The following LZTFL1 variants were observed in gnomAD, a reference collection of about 807,000 sequenced individuals.
LZTFL1 encodes the protein leucine zipper transcription factor like 1, also known as leucine zipper transcription factor-like protein 1.
LZTFL1 carries 25 observed loss-of-function variants against 45.9 expected under a neutral mutation model. The ratio of observed to expected loss-of-function variants is 0.54; its 90% CI spans 0.40 to 0.76. The LOEUF is 0.76. Ranked by LOEUF, LZTFL1 falls within the 30% of genes least tolerant of loss-of-function variation. The probability of loss-of-function intolerance (pLI) is 0.00; values close to 1 mark genes in which losing one functional copy is unlikely to be tolerated. For synonymous variants in LZTFL1, 93 were observed against 117.4 expected, an observed-to-expected ratio of 0.79 and a Z score of 1.35; for missense variants, 277 against 331.1, an observed-to-expected ratio of 0.84 and a Z score of 1.27.
chr3:45,828,693 C>T (rs978587682), intron 7 of LZTFL1, 78 bp from the exon 8 acceptor site: 5 of 1,226,680 alleles, frequency 4.1e-6, no homozygotes, highest in Admixed American at 4.2e-5. Flanking sequence ...GATTCAACAT[C>T]ATAGGAGATG....
chr3:45,866,318 A>G (rs1235675554), intron 2 of LZTFL1, among the ~76,000 whole-genome samples: 1 of 152,236 alleles, frequency 6.6e-6, no homozygotes, highest in Non-Finnish European at 1.5e-5. Flanking sequence ...TCTACAAAAA[A>G]GTAATACATG....
At chr3:45,829,499 G>C (rs1310200336) in intron 7 of LZTFL1, among the ~76,000 whole-genome samples, 1 of 151,506 alleles carries the variant, frequency 6.6e-6, no homozygotes, top group Non-Finnish European at 1.5e-5. Flanking sequence ...AACCACTTGG[G>C]AGGCTGAGGT....
intron 2 of LZTFL1, among the ~76,000 whole-genome samples, chr3:45,860,918 C>T (rs1474419334): frequency 6.6e-6 from 1 of 152,134 alleles, no homozygotes; most frequent in African/African-American, 2.4e-5. Context: ...GAAATCTTCC[C>T]ACTGACTTCT....
intron 4 of LZTFL1, among the ~76,000 whole-genome samples, chr3:45,849,888 A>G (rs1009242687): frequency 4.6e-5 from 7 of 152,256 alleles, no homozygotes; most frequent in African/African-American, 1.7e-4. Flanking sequence ...ATATCTGCAT[A>G]TATAAGGCAG....
intron 1 of LZTFL1, chr3:45,841,724 A>C (rs1701120599): frequency 1.7e-6 from 1 of 579,134 alleles, no homozygotes; most frequent in African/African-American, 1.9e-5. Flanking sequence ...CCTTGGCTCC[A>C]GCCCCCGCAG....
intron 2 of LZTFL1, among the ~76,000 whole-genome samples, chr3:45,886,024 T>C (rs1466090032): frequency 1.3e-5 from 2 of 152,240 alleles, no homozygotes; most frequent in Non-Finnish European, 2.9e-5. Flanking sequence ...TGGCCCTAGT[T>C]AGCATTTTAA....
At chr3:45,861,352 G>A (rs1024626) in intron 2 of LZTFL1, among the ~76,000 whole-genome samples, 147,466 of 152,288 alleles carry the variant, frequency 0.97, 71,427 homozygotes, top group East Asian at 1. Flanking sequence ...GCAAAAGCCC[G>A]GGAAGCTCAG....
Position 45,893,793 on chromosome 3 carries a change from C to T in LZTFL1, c.-215+19327G>A, listed in dbSNP as rs73830608. 3.2e-3 allele frequency among the ~76,000 whole-genome samples: 495 copies of T among 152,318 alleles called. 3 individuals are homozygous for T. Among genetic ancestry groups the T allele is most frequent in the African/African-American group, 0.011 (455 of 41,556 alleles). On this transcript the variant is annotated intron_variant, in intron 2 of 4. Coordinates refer to the LZTFL1 transcript ENST00000472635. ...TATGGGGACATATACTTACAATTTTCTTGGGTGAATACTTAGGAGTGGGAT... is the reference window on the plus strand; with the variant it reads ...TATGGGGACATATACTTACAATTTTTTTGGGTGAATACTTAGGAGTGGGAT...
At chr3:45,907,395 C>T (rs1702703939) in intron 2 of LZTFL1, among the ~76,000 whole-genome samples, 1 of 152,210 alleles carries the variant, frequency 6.6e-6, no homozygotes, top group Admixed American at 6.5e-5. Context: ...GGCCCTCGCT[C>T]AGGCCAGGCT....
intron 2 of LZTFL1, among the ~76,000 whole-genome samples, chr3:45,881,893 G>T (rs1024288569): frequency 6.6e-6 from 1 of 152,248 alleles, no homozygotes; most frequent in Non-Finnish European, 1.5e-5. Context: ...CTGAATAGCA[G>T]GTTGGTCTGG....
Position 45,888,165 on chromosome 3 carries a change from T to A in LZTFL1, c.-215+24955A>T, listed in dbSNP as rs1026898004. ...TTTTCTCTTTTGGAGAATTAGCAGCTCTCTCCCTTCCTTTATCTCCCAGGT... is the reference window on the plus strand; with the variant it reads ...TTTTCTCTTTTGGAGAATTAGCAGCACTCTCCCTTCCTTTATCTCCCAGGT... On this transcript the variant is annotated intron_variant, in intron 2 of 4. Coordinates refer to the LZTFL1 transcript ENST00000472635. 2.6e-5 allele frequency among the ~76,000 whole-genome samples: 4 copies of A among 152,318 alleles called. No individual in the cohort carries two copies. The South Asian group carries it at 8.3e-4, about 32-fold the overall frequency.
chr3:45,886,586 C>T (rs1701986793), intron 2 of LZTFL1: 1 of 152,208 alleles, frequency 6.6e-6, no homozygotes, highest in Non-Finnish European at 1.5e-5. Flanking sequence ...GAGAGCAACC[C>T]AGCTCTTTCC....
At chr3:45,898,180 T>A (rs990343812) in intron 2 of LZTFL1, among the ~76,000 whole-genome samples, 2 of 152,184 alleles carry the variant, frequency 1.3e-5, no homozygotes, top group Non-Finnish European at 2.9e-5. Flanking sequence ...GGGGTCTCCA[T>A]GCTCTTCACA....
intron 2 of LZTFL1, among the ~76,000 whole-genome samples, chr3:45,867,582 G>T (rs575439315): frequency 6.6e-6 from 1 of 152,318 alleles, no homozygotes; most frequent in East Asian, 1.9e-4. Flanking sequence ...CGTGGCTCAT[G>T]CCTGTAATCC....
intron 9 of LZTFL1, 77 bp downstream of exon 9, chr3:45,827,279 G>A: frequency 8.7e-7 from 1 of 1,143,440 alleles, no homozygotes; most frequent in Non-Finnish European, 1.3e-6. Flanking sequence ...TGACCTCTCT[G>A]GAACAAGCTT....
chr3:45,878,898 T>C (rs1701800272), intron 2 of LZTFL1, among the ~76,000 whole-genome samples: 1 of 152,198 alleles, frequency 6.6e-6, no homozygotes, highest in African/African-American at 2.4e-5. Context: ...CTGAAGAAGA[T>C]ATGCAGATGG....
chr3:45,901,347 A>T lies in LZTFL1; in HGVS notation c.-215+11773T>A. On this transcript the variant is annotated intron_variant, in intron 2 of 4. Coordinates refer to the LZTFL1 transcript ENST00000472635. The surrounding 1 kb of genome is among the most constrained non-coding windows in gnomAD (Gnocchi z 4.3). ...TCTCTGCATCCCAGAAATCTTATAC[A>T]GCCAAATCAAGGAGGAATCCGGCAT... is the stretch of plus-strand genomic sequence containing the variant. 6.2e-7 allele frequency: 1 copy of T among 1,614,162 alleles called. No individual in the cohort carries two copies. The highest frequency in any genetic ancestry group is 8.5e-7 in the Non-Finnish European group (1 of 1,180,012).
rs368537744 is a variant in LZTFL1, at chr3:45,838,092, T to C, written c.4-41A>G. 3.2e-6 allele frequency: 5 copies of C among 1,560,892 alleles called. No homozygotes were observed. The South Asian group carries it at 6.1e-5, about 19-fold the overall frequency. The stretch of plus-strand genomic sequence containing the variant: ...GTAATTTAATTGTTAGTTTTGAAGA[T>C]CTGATCAAAGAGCCAACAATGAAAA... On this transcript the variant is annotated intron_variant, in intron 1 of 9. Transcript: ENST00000296135.
chr3:45,878,585 G>C (rs1177120532), intron 2 of LZTFL1, among the ~76,000 whole-genome samples: 2 of 149,482 alleles, frequency 1.3e-5, no homozygotes, highest in Non-Finnish European at 1.5e-5. Context: ...GGGTCACAAA[G>C]GCCCTCAAGT....
Sources: gnomAD v4.1 joint callset for allele counts (sites outside exome capture counted in the v4.1 genomes callset) on GRCh38, gnomAD v4.1.1 for gene constraint, Gnocchi (gnomAD v3.1) non-coding constraint, MANE v1.5 for transcripts, NCBI Gene and HGNC (gene_info 2026-07-23, HGNC 2026-07-21) for gene names.